SLC24A3: variants seen among roughly 807,000 people sequenced by gnomAD.
The protein encoded by SLC24A3 is sodium/potassium/calcium exchanger 3.
SLC24A3 carries 28 observed loss-of-function variants against 75.8 expected under a neutral mutation model. The ratio of observed to expected loss-of-function variants is 0.37; its 90% confidence interval spans 0.27 to 0.51. The LOEUF is 0.51. SLC24A3 is among the 20% of genes least tolerant of loss of function. The pLI, the probability that SLC24A3 is intolerant of heterozygous loss-of-function variation, is 0.94. For missense variants in SLC24A3, 663 were observed against 847.8 expected, an observed-to-expected ratio of 0.78 and a Z score of 2.71; for synonymous variants, 372 against 334.1, an observed-to-expected ratio of 1.11 and a Z score of -1.24.
intron 2 of SLC24A3, among the ~76,000 whole-genome samples, chr20:19,447,561 C>T (rs181400798): frequency 4.5e-4 from 68 of 152,220 alleles, no homozygotes; most frequent in African/African-American, 1.6e-3. Context: ...CATATACACA[C>T]ACACAAAATA....
At chr20:19,230,195 T>C (rs975688146) in intron 1 of SLC24A3, among the ~76,000 whole-genome samples, 5 of 152,156 alleles carry the variant, frequency 3.3e-5, no homozygotes, top group African/African-American at 1.2e-4. Context: ...CTCCTGTCCC[T>C]TCAGCGCCCT....
intron 1 of SLC24A3, among the ~76,000 whole-genome samples, chr20:19,259,169 A>T (rs543988619): frequency 1.2e-4 from 18 of 152,318 alleles, no homozygotes; most frequent in African/African-American, 4.3e-4. Flanking sequence ...GAAGCCCTCC[A>T]AGCCCCTCTG....
chr20:19,708,666 G>T (rs1415623558), intron 15 of SLC24A3, among the ~76,000 whole-genome samples: 1 of 152,214 alleles, frequency 6.6e-6, no homozygotes, highest in Non-Finnish European at 1.5e-5. Context: ...CGTGTCAGAA[G>T]ACCACTGCTA....
Position 19,324,964 on chromosome 20 carries a change from C to A in SLC24A3, c.271+43877C>A, listed in dbSNP as rs79745674. 5.0e-3 allele frequency among the ~76,000 whole-genome samples: 758 copies of A among 151,650 alleles called. 1 individual carries two copies. The highest frequency in any genetic ancestry group is 6.6e-3 in the Non-Finnish European group (446 of 67,980). On this transcript the variant is annotated intron_variant, in intron 2 of 16. Transcript: ENST00000328041. ...ACCCTGGCAGTTGACATTCAAGAAC[C>A]ACAGCTCTGCTGTTATGACAGCTTG... is the stretch of plus-strand genomic sequence containing the variant.
At chr20:19,390,143 T>C (rs1376658685) in intron 2 of SLC24A3, among the ~76,000 whole-genome samples, 1 of 152,262 alleles carries the variant, frequency 6.6e-6, no homozygotes, top group Non-Finnish European at 1.5e-5. Context: ...AGTTGTCTGT[T>C]ATCTCTTGCA....
At chr20:19,705,388 C>T (rs1401413902) in intron 15 of SLC24A3, among the ~76,000 whole-genome samples, 1 of 152,180 alleles carries the variant, frequency 6.6e-6, no homozygotes, top group Non-Finnish European at 1.5e-5. Context: ...CATGCTCAGC[C>T]ACACTGGGCA....
intron 1 of SLC24A3, among the ~76,000 whole-genome samples, chr20:19,269,823 C>T (rs886069237): frequency 5.3e-5 from 8 of 152,080 alleles, no homozygotes; most frequent in Non-Finnish European, 8.8e-5. Context: ...TCCTGAGGCC[C>T]GTATAATAAT....
chr20:19,541,964 G>T (rs933090570), intron 3 of SLC24A3, among the ~76,000 whole-genome samples: 16 of 152,190 alleles, frequency 1.1e-4, no homozygotes, highest in Admixed American at 5.9e-4. Context: ...AAAAGCCTCA[G>T]CTCCTGCCCT....
At chr20:19,427,104 T>C (rs1266418747) in intron 2 of SLC24A3, among the ~76,000 whole-genome samples, 1 of 152,100 alleles carries the variant, frequency 6.6e-6, no homozygotes, top group Non-Finnish European at 1.5e-5. Flanking sequence ...TGTGCATGTG[T>C]ATGCATATGT....
intron 2 of SLC24A3, among the ~76,000 whole-genome samples, chr20:19,337,665 C>T (rs566512933): frequency 5.3e-5 from 8 of 152,208 alleles, no homozygotes; most frequent in South Asian, 2.1e-4. Flanking sequence ...TAACAAACTA[C>T]GCTAAAACAT....
intron 2 of SLC24A3, among the ~76,000 whole-genome samples, chr20:19,489,239 TC>T: frequency 6.6e-6 from 1 of 152,298 alleles, no homozygotes; most frequent in South Asian, 2.1e-4. Context: ...ATTATCTCAA[TC>T]CCCTTGTAGG....
intron 2 of SLC24A3, among the ~76,000 whole-genome samples, chr20:19,478,847 C>T (rs569530978): frequency 3.9e-5 from 6 of 152,328 alleles, no homozygotes; most frequent in African/African-American, 1.4e-4. Context: ...TCATCTGCAT[C>T]CCCAAAATAA....
intron 1 of SLC24A3, among the ~76,000 whole-genome samples, chr20:19,276,645 G>C (rs887246195): frequency 6.6e-6 from 1 of 152,102 alleles, no homozygotes; most frequent in Non-Finnish European, 1.5e-5. Context: ...TGGCTCGTGC[G>C]TATAATCCCA....
intron 4 of SLC24A3, among the ~76,000 whole-genome samples, chr20:19,582,349 G>C (rs548106651): frequency 4.5e-4 from 68 of 152,358 alleles, no homozygotes; most frequent in Middle Eastern, 3.4e-3. Flanking sequence ...GAAAAACACA[G>C]AAGGTTGTCG....
chr20:19,212,993 ACGCTGCCTGCCCCGAGTGGG>A lies in SLC24A3; in HGVS notation c.142+16_142+35del. 2 of 1,267,580 alleles carry A rather than the reference ACGCTGCCTGCCCCGAGTGGG, an allele frequency of 1.6e-6. No homozygotes were observed. The highest frequency in any genetic ancestry group is 2.0e-6 in the Non-Finnish European group (2 of 1,004,516). 78.5% of individuals were successfully genotyped at this position (1,267,580 alleles called of 1,614,324 possible). ...CCTGCGAGAGCAGAAGGGTGAGTGC[ACGCTGCCTGCCCCGAGTGGG>A]CGCTGCGGCTCCGGCGGCTCGGGGC... On this transcript the variant is annotated intron_variant, in intron 1 of 16. Transcript: ENST00000328041.
chr20:19,281,111 G>A (rs770029276), intron 2 of SLC24A3, 24 bp downstream of exon 2: 3 of 1,612,446 alleles, frequency 1.9e-6, no homozygotes, highest in East Asian at 2.2e-5. Context: ...CTACTCATGG[G>A]CAGCAGCTGT....
intron 2 of SLC24A3, among the ~76,000 whole-genome samples, chr20:19,417,169 C>T (rs1302839673): frequency 6.6e-6 from 1 of 152,020 alleles, no homozygotes; most frequent in Non-Finnish European, 1.5e-5. Flanking sequence ...AAAAATAGAC[C>T]CGTGAACAAC....
intron 2 of SLC24A3, among the ~76,000 whole-genome samples, chr20:19,362,384 G>A (rs537231401): frequency 7.2e-5 from 11 of 152,196 alleles, no homozygotes; most frequent in South Asian, 2.1e-4. Flanking sequence ...GTGTGTGACC[G>A]TGAAGTCACT....
chr20:19,364,068 A>C (rs1178146377), intron 2 of SLC24A3, among the ~76,000 whole-genome samples: 1 of 152,018 alleles, frequency 6.6e-6, no homozygotes, highest in East Asian at 1.9e-4. Context: ...CTCCTGAAAA[A>C]CTGGTTTCCA....
Sources: allele counts gnomAD v4.1 joint callset (sites outside exome capture counted in the v4.1 genomes callset), GRCh38; gene constraint gnomAD v4.1.1; transcripts MANE v1.5; gene names NCBI Gene and HGNC (gene_info 2026-07-23, HGNC 2026-07-21).